The following PPP4R4 variants were observed in gnomAD, a reference collection of about 807,000 sequenced individuals.
PPP4R4 encodes protein phosphatase 4 regulatory subunit 4.
In PPP4R4, 70 loss-of-function variants were observed where a neutral mutation model predicts 121.8. The ratio of observed to expected loss-of-function variants is 0.57; its 90% CI spans 0.47 to 0.70. The LOEUF is 0.70. Among genes scored for constraint, PPP4R4 ranks in the 30% least tolerant of loss-of-function variants. The probability of loss-of-function intolerance (pLI) is 0.00; values close to 1 mark genes in which losing one functional copy is unlikely to be tolerated. For synonymous variants in PPP4R4, 348 were observed against 355.7 expected (o/e 0.98, Z 0.24); for missense variants, 875 against 1,033.6 (o/e 0.85, Z 2.10).
rs1566685748 is a variant in PPP4R4, at chr14:94,244,847, C to A, written c.1344+135C>A. The A allele has an allele frequency of 5.1e-6, 4 of 786,480 alleles. No homozygotes were observed. In the African/African-American group the frequency reaches 5.5e-5, roughly 11 times the overall value. The allele number at this position is 786,480 out of a possible 1,614,324, so 48.7% of individuals were successfully genotyped here. A position where few individuals can be genotyped will look rare whatever the true frequency, so the allele number is the denominator to read the frequency against. ...GCCCCAGAAGCTTCAAATTGTTGTACCACTATATCATAAATAGGATATTGG... is the reference window on the plus strand; with the variant it reads ...GCCCCAGAAGCTTCAAATTGTTGTAACACTATATCATAAATAGGATATTGG... On this transcript the variant is annotated intron_variant, in intron 12 of 24. Transcript: ENST00000304338.
chr14:94,235,020 A>G (rs1027758944), intron 7 of PPP4R4, among the ~76,000 whole-genome samples: 2 of 152,126 alleles, frequency 1.3e-5, no homozygotes, highest in African/African-American at 2.4e-5. Context: ...TGGTTCCAGG[A>G]CCTCTTTTGG....
intron 13 of PPP4R4, 25 bp from the exon 14 acceptor site, chr14:94,246,332 A>T: frequency 6.3e-7 from 1 of 1,578,292 alleles, no homozygotes; most frequent in Non-Finnish European, 8.6e-7. Flanking sequence ...TTTATAATTG[A>T]TTTTTTGATG....
Position 94,241,881 on chromosome 14 carries a change from A to G in PPP4R4, c.1070A>G (p.Asn357Ser). 6.2e-7 allele frequency: 1 copy of G among 1,611,088 alleles called. No individual in the cohort carries two copies. Among genetic ancestry groups the G allele is most frequent in the Non-Finnish European group, 8.5e-7 (1 of 1,178,488 alleles). Residue 357 changes from asparagine to serine, a missense_variant, in exon 10 of 25, where the codon AAC (asparagine) becomes AGC (serine). By Grantham distance (46) the Asn-to-Ser change is conservative. Transcript: ENST00000304338. ...GLQQENGHNE[N>S]QIPPQILEQE... The stretch of plus-strand genomic sequence containing the variant: ...CAACAAGAAAATGGACACAATGAAA[A>G]CCAGATTCCACCCCAAATCCTAGAG...
intron 3 of PPP4R4, among the ~76,000 whole-genome samples, chr14:94,217,058 TG>T (rs1443813465): frequency 6.6e-6 from 1 of 152,164 alleles, no homozygotes; most frequent in Non-Finnish European, 1.5e-5. Context: ...GTTACATTCC[TG>T]AGGCCCAGGC....
chr14:94,247,006 G>A (rs1462670589), intron 14 of PPP4R4, among the ~76,000 whole-genome samples: 1 of 152,146 alleles, frequency 6.6e-6, no homozygotes, highest in African/African-American at 2.4e-5. Context: ...TACTTTTAGA[G>A]TGTGGCAATG....
intron 2 of PPP4R4, among the ~76,000 whole-genome samples, chr14:94,189,462 G>T (rs923784461): frequency 3.3e-5 from 5 of 152,062 alleles, no homozygotes; most frequent in African/African-American, 1.2e-4. Context: ...TTCTGATTCA[G>T]TGCCCCATTT....
At chr14:94,200,604 T>G (rs1195087805) in intron 2 of PPP4R4, among the ~76,000 whole-genome samples, 2 of 152,226 alleles carry the variant, frequency 1.3e-5, no homozygotes, top group Non-Finnish European at 2.9e-5. Flanking sequence ...TTCTCTAGGT[T>G]TTCTACTTTG....
At chr14:94,247,292 G>A (rs538184338) in intron 14 of PPP4R4, among the ~76,000 whole-genome samples, 18 of 152,334 alleles carry the variant, frequency 1.2e-4, no homozygotes, top group South Asian at 6.2e-4. Context: ...AGCCCAACTG[G>A]TCAGGCCTGC....
At chr14:94,271,079 T>C (rs1048180063) in intron 23 of PPP4R4, among the ~76,000 whole-genome samples, 6 of 152,196 alleles carry the variant, frequency 3.9e-5, no homozygotes, top group Non-Finnish European at 7.3e-5. Context: ...GGTTCACTGA[T>C]AAATTCTACC....
chr14:94,255,943 A>G (rs778489509), intron 16 of PPP4R4, among the ~76,000 whole-genome samples: 1 of 152,176 alleles, frequency 6.6e-6, no homozygotes, highest in Non-Finnish European at 1.5e-5. Context: ...GTTTAGGCAT[A>G]GTGGCCAATT....
At chr14:94,227,290 A>G (rs1353939594) in intron 3 of PPP4R4, 1 of 1,609,604 alleles carries the variant, frequency 6.2e-7, no homozygotes, top group Admixed American at 1.7e-5. Context: ...TCCAAGGTCC[A>G]TGAGGATGCA....
intron 2 of PPP4R4, among the ~76,000 whole-genome samples, chr14:94,205,769 T>C (rs954044635): frequency 2.4e-4 from 37 of 152,084 alleles, no homozygotes; most frequent in African/African-American, 8.7e-4. Flanking sequence ...AGTTTGTTGT[T>C]TAGTTTCCAA....
chr14:94,260,327 G>A (rs984494816), intron 19 of PPP4R4, among the ~76,000 whole-genome samples: 3 of 152,060 alleles, frequency 2.0e-5, no homozygotes, highest in Admixed American at 6.5e-5. Context: ...TCAGGAGGCC[G>A]AGGCAAGAGA....
rs2295404 is a variant in PPP4R4, at chr14:94,227,456, A to C, written c.295-3131A>C. 3,090 of 1,520,352 alleles carry C rather than the reference A, an allele frequency of 2.0e-3. 74 individuals are homozygous for C. In the East Asian group the frequency reaches 0.025, roughly 12 times the overall value. The allele number at this position is 1,520,352 out of a possible 1,614,324, so 94.2% of individuals were successfully genotyped here. On this transcript the variant is annotated intron_variant, in intron 3 of 24. Coordinates refer to ENST00000304338, the MANE Select transcript of PPP4R4 (RefSeq NM_058237.2). ...TCAGTTGATTTTTAGCAGTGATGAA[A>C]TCTCTTAGTCTGTGCTGGTTTCTTA...
intron 3 of PPP4R4, among the ~76,000 whole-genome samples, chr14:94,213,558 G>A (rs1890854692): frequency 6.6e-6 from 1 of 152,194 alleles, no homozygotes; most frequent in African/African-American, 2.4e-5. Flanking sequence ...GAGATTGGGA[G>A]ATTATCCTGG....
intron 2 of PPP4R4, among the ~76,000 whole-genome samples, chr14:94,196,678 T>G (rs905621214): frequency 2.0e-5 from 3 of 152,156 alleles, no homozygotes; most frequent in African/African-American, 4.8e-5. Context: ...AGTATTATTG[T>G]GTTTATTCAT....
At chr14:94,218,465 A>G (rs1595486169) in intron 3 of PPP4R4, among the ~76,000 whole-genome samples, 3 of 105,126 alleles carry the variant, frequency 2.9e-5, no homozygotes, top group African/African-American at 4.0e-5. Context: ...TAGACACCGC[A>G]CGCGCGCACA....
At chr14:94,249,211 T>C (rs531338493) in intron 14 of PPP4R4, among the ~76,000 whole-genome samples, 2 of 152,196 alleles carry the variant, frequency 1.3e-5, no homozygotes, top group Non-Finnish European at 2.9e-5. Context: ...TTATCAAAAA[T>C]TCATTTTCCT....
chr14:94,203,316 T>C (rs1210060651), intron 2 of PPP4R4, among the ~76,000 whole-genome samples: 1 of 152,218 alleles, frequency 6.6e-6, no homozygotes, highest in African/African-American at 2.4e-5. Context: ...TGGGATTGAA[T>C]TTTTTTCACT....
Sources: allele counts gnomAD v4.1 joint callset (sites outside exome capture counted in the v4.1 genomes callset), GRCh38; gene constraint gnomAD v4.1.1; transcripts MANE v1.5; gene names NCBI Gene and HGNC (gene_info 2026-07-23, HGNC 2026-07-21).